The following ERBB4 variants were observed in gnomAD, a reference collection of about 807,000 sequenced individuals.
ERBB4 encodes erb-b2 receptor tyrosine kinase 4, also known as receptor tyrosine-protein kinase erbB-4.
Under a neutral mutation model 158.0 loss-of-function variants are expected in ERBB4, and 42 were observed. The ratio of observed to expected loss-of-function variants is 0.27; its 90% CI spans 0.21 to 0.34. The LOEUF (loss-of-function observed/expected upper bound fraction) is 0.34. ERBB4 is among the 10% of genes least tolerant of loss of function. The probability of loss-of-function intolerance (pLI) is 1.00; values close to 1 mark genes in which losing one functional copy is unlikely to be tolerated. For missense variants in ERBB4, 1,333 were observed against 1,624.1 expected, an observed-to-expected ratio of 0.82 and a Z score of 3.08; for synonymous variants, 583 against 558.7, an observed-to-expected ratio of 1.04 and a Z score of -0.61.
chr2:211,477,518 A>G (rs924433527), intron 20 of ERBB4, among the ~76,000 whole-genome samples: 13 of 152,164 alleles, frequency 8.5e-5, no homozygotes, highest in African/African-American at 2.9e-4. Flanking sequence ...CAAAGGAAAG[A>G]GAATGGAAAG....
intron 2 of ERBB4, among the ~76,000 whole-genome samples, chr2:212,039,613 G>A (rs943670486): frequency 1.3e-5 from 2 of 152,064 alleles, no homozygotes; most frequent in Non-Finnish European, 2.9e-5. Flanking sequence ...AATAATCATC[G>A]CCAGCTTTAA....
At chr2:211,421,107 T>C (rs78354669) in intron 24 of ERBB4, among the ~76,000 whole-genome samples, 1,773 of 152,068 alleles carry the variant, frequency 0.012, 39 homozygotes, top group African/African-American at 0.04. Context: ...AAGTGGCAAA[T>C]AGAGTAAAGG....
chr2:212,047,512 C>A (rs2077286772), intron 2 of ERBB4, among the ~76,000 whole-genome samples: 1 of 150,970 alleles, frequency 6.6e-6, no homozygotes, highest in Non-Finnish European at 1.5e-5. Context: ...TTGTTCTGTC[C>A]CCCAGGCTAG....
At chr2:211,752,825 A>C (rs1205801695) in intron 4 of ERBB4, among the ~76,000 whole-genome samples, 5 of 152,178 alleles carry the variant, frequency 3.3e-5, no homozygotes, top group African/African-American at 7.2e-5. Flanking sequence ...ACAAAAAACA[A>C]GTTTAAATAA....
At chr2:211,702,287 C>A (rs2073282897) in intron 11 of ERBB4, 121 bp from the exon 12 acceptor site, 1 of 801,002 alleles carries the variant, frequency 1.2e-6, no homozygotes. Flanking sequence ...ATCAATAAAT[C>A]TGTGTTTAGA....
intron 3 of ERBB4, among the ~76,000 whole-genome samples, chr2:211,814,550 G>T (rs1175085116): frequency 6.6e-6 from 1 of 151,686 alleles, no homozygotes; most frequent in East Asian, 1.9e-4. Context: ...TACAACCAGG[G>T]CCCAAATTAC....
At chr2:212,381,337 G>A (rs73060360) in intron 1 of ERBB4, among the ~76,000 whole-genome samples, 3,760 of 151,304 alleles carry the variant, frequency 0.025, 171 homozygotes, top group African/African-American at 0.085. Flanking sequence ...TTCACTCTGC[G>A]TTGGAAAGGT....
At chr2:211,527,452 G>C (rs2066379620) in intron 20 of ERBB4, among the ~76,000 whole-genome samples, 1 of 152,058 alleles carries the variant, frequency 6.6e-6, no homozygotes, top group African/African-American at 2.4e-5. Context: ...ATGGTAAAGG[G>C]AATACTTCAA....
chr2:211,452,783 C>T (rs934640811), intron 20 of ERBB4, among the ~76,000 whole-genome samples: 3 of 152,132 alleles, frequency 2.0e-5, no homozygotes, highest in Admixed American at 6.6e-5. Context: ...TAGTTAGGCA[C>T]TTCACTGGGT....
chr2:211,617,526 C>A (rs533980961), intron 19 of ERBB4, among the ~76,000 whole-genome samples: 5 of 151,936 alleles, frequency 3.3e-5, no homozygotes, highest in African/African-American at 1.2e-4. Context: ...TATATAGATG[C>A]CGGTAGATAT....
At chr2:211,634,913 C>G (rs549511324) in intron 16 of ERBB4, among the ~76,000 whole-genome samples, 2 of 152,184 alleles carry the variant, frequency 1.3e-5, no homozygotes, top group African/African-American at 4.8e-5. Context: ...CTCATGTGAT[C>G]TGCCCGCCTT....
At chr2:211,473,902 C>T (rs184102274) in intron 20 of ERBB4, among the ~76,000 whole-genome samples, 84 of 151,848 alleles carry the variant, frequency 5.5e-4, no homozygotes, top group African/African-American at 2.0e-3. Flanking sequence ...TCATAAAAGC[C>T]AGAAATTTGA....
chr2:212,101,534 A>G (rs894350013), intron 2 of ERBB4, among the ~76,000 whole-genome samples: 4 of 151,808 alleles, frequency 2.6e-5, no homozygotes, highest in Admixed American at 6.6e-5. Flanking sequence ...ACAAAAAATA[A>G]CCAATCTATC....
At chr2:212,516,098 A>G (rs989045720) in intron 1 of ERBB4, among the ~76,000 whole-genome samples, 1 of 151,968 alleles carries the variant, frequency 6.6e-6, no homozygotes, top group Non-Finnish European at 1.5e-5. Flanking sequence ...ACATAATAGA[A>G]AGCATATCAT....
chr2:211,414,220 C>T (rs1425367417), intron 25 of ERBB4, among the ~76,000 whole-genome samples: 1 of 152,080 alleles, frequency 6.6e-6, no homozygotes, highest in Non-Finnish European at 1.5e-5. Context: ...ACAGCGTGAC[C>T]TGGCGTGGTG....
At chr2:212,046,582 A>T (rs368409111) in intron 2 of ERBB4, among the ~76,000 whole-genome samples, 1 of 152,216 alleles carries the variant, frequency 6.6e-6, no homozygotes, top group African/African-American at 2.4e-5. Flanking sequence ...CTTCGTATTC[A>T]TCAATTAATA....
chr2:212,225,792 A>G (rs1415913205), intron 1 of ERBB4, among the ~76,000 whole-genome samples: 1 of 151,882 alleles, frequency 6.6e-6, no homozygotes, highest in African/African-American at 2.4e-5. Context: ...AATTATTTCC[A>G]AAGTTACATG....
At chr2:211,976,257 G>A (rs1326072266) in intron 2 of ERBB4, among the ~76,000 whole-genome samples, 1 of 152,046 alleles carries the variant, frequency 6.6e-6, no homozygotes, top group Non-Finnish European at 1.5e-5. Context: ...CCCATTCTCT[G>A]GGGAATGAGG....
At chr2:211,728,320 A>C (rs1314807399) in intron 5 of ERBB4, among the ~76,000 whole-genome samples, 3 of 151,474 alleles carry the variant, frequency 2.0e-5, no homozygotes, top group Non-Finnish European at 4.4e-5. Flanking sequence ...ACATAGTTTT[A>C]TTTATATTTG....
Sources: allele counts gnomAD v4.1 joint callset (sites outside exome capture counted in the v4.1 genomes callset), GRCh38; gene constraint gnomAD v4.1.1; transcripts MANE v1.5; gene names NCBI Gene and HGNC (gene_info 2026-07-23, HGNC 2026-07-21).